The following GPC6 variants were observed in gnomAD, a reference collection of about 807,000 sequenced individuals.
GPC6 encodes the protein glypican-6.
Under a neutral mutation model 55.2 loss-of-function variants are expected in GPC6, and 14 were observed. The observed-to-expected ratio is 0.25, with a 90% CI of 0.17 to 0.40. The LOEUF (loss-of-function observed/expected upper bound fraction) is 0.40. Among genes scored for constraint, GPC6 ranks in the 10% least tolerant of loss-of-function variants. The pLI is 1.00. For missense variants in GPC6, 641 were observed against 708.5 expected (o/e 0.90, Z 1.08); for synonymous variants, 278 against 259.6 (o/e 1.07, Z -0.68).
intron 4 of GPC6, among the ~76,000 whole-genome samples, chr13:94,200,954 C>T (rs1043504016): frequency 6.6e-6 from 1 of 152,170 alleles, no homozygotes; most frequent in Non-Finnish European, 1.5e-5. Context: ...AGGAAACAGG[C>T]AGCGCAAAAG....
intron 2 of GPC6, among the ~76,000 whole-genome samples, chr13:93,683,324 A>G (rs1183795463): frequency 6.6e-6 from 1 of 152,088 alleles, no homozygotes; most frequent in Admixed American, 6.5e-5. Flanking sequence ...TCTTTTCAAA[A>G]TTAATCTTGT....
intron 1 of GPC6, among the ~76,000 whole-genome samples, chr13:93,299,569 T>G (rs549505076): frequency 6.6e-5 from 10 of 152,222 alleles, no homozygotes; most frequent in Non-Finnish European, 1.5e-4. Flanking sequence ...CACTCACACT[T>G]GCTTGGTTGG....
At chr13:93,477,542 TAGATTAG>T (rs1242906392) in intron 1 of GPC6, among the ~76,000 whole-genome samples, 4 of 152,168 alleles carry the variant, frequency 2.6e-5, no homozygotes. Context: ...GATCTTGCAG[TAGATTAG>T]AGAACTGCCA....
intron 1 of GPC6, among the ~76,000 whole-genome samples, chr13:93,329,562 T>A (rs771236150): frequency 1.3e-5 from 2 of 152,208 alleles, no homozygotes; most frequent in Non-Finnish European, 2.9e-5. Flanking sequence ...TTTCTAAGAT[T>A]CAACTTTATA....
intron 3 of GPC6, among the ~76,000 whole-genome samples, chr13:94,000,078 C>T (rs1452668376): frequency 2.0e-5 from 3 of 152,062 alleles, no homozygotes; most frequent in African/African-American, 7.2e-5. Flanking sequence ...TTTATACTTC[C>T]CTGTGTCTGT....
chr13:93,659,571 C>T (rs1880830898), intron 2 of GPC6, among the ~76,000 whole-genome samples: 1 of 151,958 alleles, frequency 6.6e-6, no homozygotes, highest in Admixed American at 6.6e-5. Context: ...CTTAAAAAAG[C>T]AGCAATGCAG....
At chr13:93,390,956 C>CTT (rs1168064300) in intron 1 of GPC6, among the ~76,000 whole-genome samples, 2 of 151,788 alleles carry the variant, frequency 1.3e-5, no homozygotes, top group Non-Finnish European at 2.9e-5. Flanking sequence ...TCCTTGAGAT[C>CTT]TTTTTGTGGC....
intron 1 of GPC6, among the ~76,000 whole-genome samples, chr13:93,299,748 T>A (rs1357175729): frequency 1.3e-5 from 2 of 152,324 alleles, no homozygotes; most frequent in East Asian, 3.9e-4. Context: ...AAACTTAGTT[T>A]TATTTCTGGT....
At chr13:93,720,747 A>T (rs751262029) in intron 2 of GPC6, among the ~76,000 whole-genome samples, 3 of 151,636 alleles carry the variant, frequency 2.0e-5, no homozygotes, top group Non-Finnish European at 4.4e-5. Flanking sequence ...CTGTGTCCCA[A>T]ATATTCTGGT....
At chr13:93,603,358 A>G (rs1486257690) in intron 2 of GPC6, among the ~76,000 whole-genome samples, 2 of 152,134 alleles carry the variant, frequency 1.3e-5, no homozygotes, top group Admixed American at 6.5e-5. Flanking sequence ...AAAGCAGAAA[A>G]CTTTCAGACA....
chr13:94,037,390 C>T (rs920460157), intron 4 of GPC6, among the ~76,000 whole-genome samples: 2 of 151,906 alleles, frequency 1.3e-5, no homozygotes. Context: ...TGTCTTGCTA[C>T]TCACTTGCAA....
chr13:93,268,033 T>A (rs907120598), intron 1 of GPC6, among the ~76,000 whole-genome samples: 1 of 152,220 alleles, frequency 6.6e-6, no homozygotes, highest in Non-Finnish European at 1.5e-5. Flanking sequence ...TTAATATAGA[T>A]TGCATCCATT....
intron 1 of GPC6, among the ~76,000 whole-genome samples, chr13:93,533,587 T>C (rs899856652): frequency 1.3e-5 from 2 of 152,132 alleles, no homozygotes; most frequent in Non-Finnish European, 2.9e-5. Flanking sequence ...CTCTGATCAA[T>C]TGGAATTTGG....
intron 2 of GPC6, among the ~76,000 whole-genome samples, chr13:93,652,867 A>T (rs1197091438): frequency 6.6e-6 from 1 of 152,228 alleles, no homozygotes; most frequent in Non-Finnish European, 1.5e-5. Flanking sequence ...GACTTTCGGT[A>T]TAAAAATACA....
At chr13:94,367,012 A>G (rs1185824669) in intron 6 of GPC6, among the ~76,000 whole-genome samples, 1 of 152,232 alleles carries the variant, frequency 6.6e-6, no homozygotes, top group Non-Finnish European at 1.5e-5. Context: ...CCCTGTTCAT[A>G]AAGACCCAGA....
At chr13:93,898,086 A>G (rs533327900) in intron 3 of GPC6, among the ~76,000 whole-genome samples, 1 of 152,300 alleles carries the variant, frequency 6.6e-6, no homozygotes, top group African/African-American at 2.4e-5. Context: ...TTGAGCCATC[A>G]GACTGTCTTT....
At chr13:94,386,971 A>G (rs1376958134) in intron 7 of GPC6, among the ~76,000 whole-genome samples, 2 of 152,238 alleles carry the variant, frequency 1.3e-5, no homozygotes, top group Non-Finnish European at 2.9e-5. Context: ...TCTGACATCA[A>G]AATGACTCTT....
At chr13:94,171,755 G>C (rs942198301) in intron 4 of GPC6, among the ~76,000 whole-genome samples, 16 of 152,290 alleles carry the variant, frequency 1.1e-4, no homozygotes, top group African/African-American at 3.4e-4. Flanking sequence ...TTCATGGCAT[G>C]TAGCTGCAGA....
intron 5 of GPC6, among the ~76,000 whole-genome samples, chr13:94,304,438 T>G (rs1875833423): frequency 6.6e-6 from 1 of 152,210 alleles, no homozygotes; most frequent in African/African-American, 2.4e-5. Flanking sequence ...GTTTTAGAGT[T>G]AGACAACACA....
Sources: allele counts gnomAD v4.1 joint callset (sites outside exome capture counted in the v4.1 genomes callset), GRCh38; gene constraint gnomAD v4.1.1; transcripts MANE v1.5; gene names NCBI Gene and HGNC (gene_info 2026-07-23, HGNC 2026-07-21).